KCNH5: variants seen among roughly 807,000 people sequenced by gnomAD.
KCNH5 encodes the protein voltage-gated delayed rectifier potassium channel KCNH5.
KCNH5 carries 46 observed loss-of-function variants against 96.1 expected under a neutral mutation model. The ratio of observed to expected loss-of-function variants is 0.48; its 90% CI spans 0.38 to 0.61. The LOEUF is 0.61. Among genes scored for constraint, KCNH5 ranks in the 20% least tolerant of loss-of-function variants. The pLI is 0.00. For missense variants in KCNH5, 907 were observed against 1,225.8 expected (o/e 0.74, Z 3.88); for synonymous variants, 439 against 449.8 (o/e 0.98, Z 0.30).
chr14:62,728,238 AT>A (rs1236313433), intron 10 of KCNH5, among the ~76,000 whole-genome samples: 1 of 139,162 alleles, frequency 7.2e-6, no homozygotes, highest in Non-Finnish European at 1.6e-5. Context: ...AAAAAAAAAA[AT>A]AGCTGGGCGT....
At chr14:62,960,768 T>C (rs1890191595) in intron 6 of KCNH5, among the ~76,000 whole-genome samples, 1 of 152,264 alleles carries the variant, frequency 6.6e-6, no homozygotes, top group East Asian at 1.9e-4. Flanking sequence ...CTGCTCCAAC[T>C]CAAGCTACCA....
intron 2 of KCNH5, among the ~76,000 whole-genome samples, chr14:63,013,945 G>A (rs1891277044): frequency 6.6e-6 from 1 of 151,966 alleles, no homozygotes; most frequent in Non-Finnish European, 1.5e-5. Context: ...TTTAAAAGAA[G>A]AACACATTAA....
intron 7 of KCNH5, among the ~76,000 whole-genome samples, chr14:62,942,954 G>T (rs1179677760): frequency 6.6e-6 from 1 of 152,028 alleles, no homozygotes; most frequent in East Asian, 1.9e-4. Flanking sequence ...GCAGACAATA[G>T]AAAAAGTAGA....
intron 7 of KCNH5, among the ~76,000 whole-genome samples, chr14:62,902,366 T>G (rs1343436020): frequency 6.6e-6 from 1 of 152,092 alleles, no homozygotes; most frequent in Non-Finnish European, 1.5e-5. Context: ...ATTGAAATCT[T>G]TAATCCATCT....
chr14:62,707,102 T>C lies in KCNH5; in HGVS notation c.*406A>G, dbSNP rs1230764875. 6.6e-6 allele frequency: 1 copy of C among 152,412 alleles called. No individual in the cohort carries two copies. Among genetic ancestry groups the C allele is most frequent in the Non-Finnish European group, 1.5e-5 (1 of 68,164 alleles). 9.4% of individuals were successfully genotyped at this position (152,412 alleles called of 1,614,324 possible). A position where few individuals can be genotyped will look rare whatever the true frequency, so the allele number is the denominator to read the frequency against. On this transcript the variant is annotated 3_prime_UTR_variant, in exon 11 of 11. Transcript: ENST00000322893. ...AGACTGAACTCTTCCTTGGCATTAA[T>C]CTATACTTTTAACTTAACAGAACAG... is the stretch of plus-strand genomic sequence containing the variant.
At chr14:62,798,077 ACT>A (rs1390444693) in intron 9 of KCNH5, among the ~76,000 whole-genome samples, 1 of 151,810 alleles carries the variant, frequency 6.6e-6, no homozygotes, top group African/African-American at 2.4e-5. Context: ...AGTGCTAAAG[ACT>A]CTCTTTCGTA....
At position 62,702,651 on chromosome 14, in the gene KCNH5, G is replaced by C. The variant is rs1191797964; in HGVS notation, c.*4857C>G. The C allele has an allele frequency of 2.6e-5, 4 of 151,976 alleles. No individual in the cohort carries two copies. Among genetic ancestry groups the C allele is most frequent in the Admixed American group, 2.0e-4 (3 of 15,264 alleles). The allele number at this position is 151,976 out of a possible 1,614,324, so 9.4% of individuals were successfully genotyped here. A position where few individuals can be genotyped will look rare whatever the true frequency, so the allele number is the denominator to read the frequency against. On this transcript the variant is annotated 3_prime_UTR_variant, in exon 11 of 11. Coordinates refer to ENST00000322893, the MANE Select transcript of KCNH5 (RefSeq NM_139318.5). Reference sequence around the variant, plus strand: ...TAACTTATTTAACTTCTAAGCCTAAGAGTAAAGAAGCAGATAGATTCTAAT... The same window carrying C: ...TAACTTATTTAACTTCTAAGCCTAACAGTAAAGAAGCAGATAGATTCTAAT...
rs1884322940 is a variant in KCNH5 at position 62,700,000 on chromosome 14, A to G, written c.*7508T>C. Reference sequence around the variant, plus strand: ...TGAATTAACCCTTAAAGGCAGAGGCATTTTTAATACCCCCAATATCTCACC... The same window carrying G: ...TGAATTAACCCTTAAAGGCAGAGGCGTTTTTAATACCCCCAATATCTCACC... On this transcript the variant is annotated 3_prime_UTR_variant, in exon 11 of 11. Coordinates refer to ENST00000322893, the MANE Select transcript of KCNH5 (RefSeq NM_139318.5). 6.6e-6 allele frequency: 1 copy of G among 152,180 alleles called. No homozygotes were observed. The highest frequency in any genetic ancestry group is 6.5e-5 in the Admixed American group (1 of 15,270). 9.4% of individuals were successfully genotyped at this position (152,180 alleles called of 1,614,324 possible).
At chr14:62,992,562 C>A (rs991090935) in intron 4 of KCNH5, among the ~76,000 whole-genome samples, 2 of 151,972 alleles carry the variant, frequency 1.3e-5, no homozygotes, top group African/African-American at 4.8e-5. Context: ...ATTTGCATTT[C>A]TCTGATGATT....
intron 10 of KCNH5, among the ~76,000 whole-genome samples, chr14:62,761,247 CTG>C (rs1285498052): frequency 1.3e-5 from 2 of 151,742 alleles, no homozygotes; most frequent in Non-Finnish European, 2.9e-5. Flanking sequence ...CCCAGCTACT[CTG>C]GAGGCTGAGG....
chr14:62,797,278 C>A (rs1020258187), intron 9 of KCNH5, among the ~76,000 whole-genome samples: 2 of 152,008 alleles, frequency 1.3e-5, no homozygotes, highest in African/African-American at 2.4e-5. Context: ...ATATTTTGAA[C>A]CATAGATAAA....
At chr14:62,825,874 T>C (rs544297790) in intron 8 of KCNH5, among the ~76,000 whole-genome samples, 18 of 152,206 alleles carry the variant, frequency 1.2e-4, no homozygotes, top group Admixed American at 5.9e-4. Context: ...TTTTCTACTA[T>C]AATGAGAGAA....
chr14:63,022,160 CTT>C (rs1177738157), intron 1 of KCNH5, among the ~76,000 whole-genome samples: 1 of 152,172 alleles, frequency 6.6e-6, no homozygotes, highest in Non-Finnish European at 1.5e-5. Flanking sequence ...TGTTTCCTGT[CTT>C]AGAGAATGGG....
At chr14:62,891,298 C>T (rs2140085337) in intron 7 of KCNH5, among the ~76,000 whole-genome samples, 1 of 152,324 alleles carries the variant, frequency 6.6e-6, no homozygotes, top group South Asian at 2.1e-4. Flanking sequence ...AGCAAACTAA[C>T]ATAGGAACAG....
chr14:62,986,952 A>G, intron 5 of KCNH5, 120 bp downstream of exon 5: 1 of 679,704 alleles, frequency 1.5e-6, no homozygotes, highest in African/African-American at 1.8e-5. Context: ...CAAGGGAAAC[A>G]TAAATTATCA....
chr14:62,922,812 T>C (rs541474174), intron 7 of KCNH5, among the ~76,000 whole-genome samples: 1 of 152,100 alleles, frequency 6.6e-6, no homozygotes, highest in Admixed American at 6.6e-5. Context: ...ATAAAGGCTA[T>C]ATATGGCAAG....
chr14:62,849,776 A>G lies in KCNH5; in HGVS notation c.1446T>C (p.His482=). The G allele has an allele frequency of 6.3e-7, 1 of 1,599,562 alleles. No individual in the cohort carries two copies. Among genetic ancestry groups the G allele is most frequent in the Non-Finnish European group, 8.6e-7 (1 of 1,166,918 alleles). The change falls in exon 8 of 11, where the codon CAT becomes CAC. Residue 482 remains histidine, a synonymous_variant. Transcript: ENST00000322893. ...AGTCCCGTACATTATTCAGCATCTCATGGTATCGGTTGGTGTTGGCATACA... is the reference window on the plus strand; with the variant it reads ...AGTCCCGTACATTATTCAGCATCTCGTGGTATCGGTTGGTGTTGGCATACA... The part of the protein sequence containing the change: ...QQMYANTNRY[H]EMLNNVRDFL...
At chr14:62,896,394 G>A (rs558694797) in intron 7 of KCNH5, among the ~76,000 whole-genome samples, 1 of 152,266 alleles carries the variant, frequency 6.6e-6, no homozygotes, top group Non-Finnish European at 1.5e-5. Context: ...ACAAGATGGA[G>A]GCCTACTATT....
rs952039216 is a variant in KCNH5 at position 62,817,210 on chromosome 14, T to C, written c.1570-14629A>G. On this transcript the variant is annotated intron_variant, in intron 8 of 10. Coordinates refer to ENST00000322893, the MANE Select transcript of KCNH5 (RefSeq NM_139318.5). ...ATATTATATATCATATATCATATAT[T>C]ATATATTATATATAATATAATACAT... is the stretch of plus-strand genomic sequence containing the variant. 9.5e-5 allele frequency among the ~76,000 whole-genome samples: 13 copies of C among 137,480 alleles called. No homozygotes were observed. The East Asian group carries it at 1.2e-3, about 13-fold the overall frequency. The allele number at this position is 137,480 out of a possible 152,430, so 90.2% of individuals were successfully genotyped here.
Sources: allele counts gnomAD v4.1 joint callset (sites outside exome capture counted in the v4.1 genomes callset), GRCh38; gene constraint gnomAD v4.1.1; transcripts MANE v1.5; gene names NCBI Gene and HGNC (gene_info 2026-07-23, HGNC 2026-07-21).